FAP: variants seen among roughly 807,000 people sequenced by gnomAD.
The protein encoded by FAP is prolyl endopeptidase FAP.
In FAP, 110 loss-of-function variants were observed where a neutral mutation model predicts 126.5. That is an observed-to-expected ratio of 0.87 (90% CI 0.74 to 1.02). The LOEUF is 1.02. FAP is among the 50% of genes least tolerant of loss of function. The pLI is 0.00. For missense variants in FAP, 919 were observed against 909.2 expected, an observed-to-expected ratio of 1.01 and a Z score of -0.14; for synonymous variants, 334 against 297.3, an observed-to-expected ratio of 1.12 and a Z score of -1.27.
Position 162,203,057 on chromosome 2 carries a change from T to G in FAP, c.1136A>C (p.Tyr379Ser). 1 of 1,612,476 alleles carries G rather than the reference T, an allele frequency of 6.2e-7. No homozygotes were observed. Among genetic ancestry groups the G allele is most frequent in the Non-Finnish European group, 8.5e-7 (1 of 1,178,568 alleles). ...SDKDGYKHIH[Y>S]IKDTVENAIQ... ...GGAACGTACCACAGTGTCTTTGATA[T>G]AGTGAATATGTTTGTAGCCATCCTT... Residue 379 changes from tyrosine (Y) to serine (S), a missense_variant, in exon 13 of 26, where the codon TAT becomes TCT. Tyr to Ser is a moderately radical substitution (Grantham distance 144). Coordinates refer to ENST00000188790, the MANE Select transcript of FAP (RefSeq NM_004460.5).
At chr2:162,213,334 C>T (rs917174537) in intron 11 of FAP, among the ~76,000 whole-genome samples, 4 of 151,086 alleles carry the variant, frequency 2.6e-5, no homozygotes, top group Admixed American at 6.6e-5. Context: ...CCAGATTGCG[C>T]CACTGCACTC....
chr2:162,229,760 A>G (rs1031227198), intron 2 of FAP, among the ~76,000 whole-genome samples: 1 of 152,294 alleles, frequency 6.6e-6, no homozygotes, highest in African/African-American at 2.4e-5. Flanking sequence ...TGGACTTGAT[A>G]CTATATTTCA....
intron 16 of FAP, chr2:162,198,384 G>A (rs1283722747): frequency 1.1e-5 from 14 of 1,265,144 alleles, no homozygotes; most frequent in African/African-American, 4.6e-5. Context: ...CTTTTTCTGC[G>A]ATTGCTCAGG....
intron 6 of FAP, 103 bp downstream of exon 6, chr2:162,223,505 G>C (rs1689501060): frequency 4.0e-6 from 3 of 755,882 alleles, no homozygotes; most frequent in Non-Finnish European, 6.8e-6. Flanking sequence ...AAGAAACAAA[G>C]ATCATTAAGA....
At chr2:162,198,286 G>T (rs73973041) in intron 16 of FAP, 1 of 1,289,744 alleles carries the variant, frequency 7.8e-7, no homozygotes, top group Non-Finnish European at 1.0e-6. Flanking sequence ...TTTCCAAGCC[G>T]TTGTTCATTC....
intron 21 of FAP, among the ~76,000 whole-genome samples, chr2:162,179,449 T>A (rs1249854750): frequency 1.3e-5 from 2 of 152,142 alleles, no homozygotes; most frequent in Admixed American, 6.5e-5. Flanking sequence ...GGCCAAGCAT[T>A]GTGCTAAACA....
chr2:162,242,777 T>C, intron 2 of FAP, 131 bp downstream of exon 2: 1 of 670,984 alleles, frequency 1.5e-6, no homozygotes, highest in East Asian at 2.7e-5. Context: ...TGAGCTTATA[T>C]GTCTTCTTAG....
At chr2:162,228,245 G>A (rs1689742571) in intron 2 of FAP, among the ~76,000 whole-genome samples, 1 of 152,110 alleles carries the variant, frequency 6.6e-6, no homozygotes, top group Non-Finnish European at 1.5e-5. Flanking sequence ...GTGGTTTTTG[G>A]TAAGTAGATC....
At chr2:162,196,583 T>A (rs1688261670) in intron 16 of FAP, among the ~76,000 whole-genome samples, 1 of 151,576 alleles carries the variant, frequency 6.6e-6, no homozygotes, top group Non-Finnish European at 1.5e-5. Flanking sequence ...TGACACTGGA[T>A]GAAGGTGTGA....
chr2:162,238,217 C>T (rs1690215210), intron 2 of FAP, among the ~76,000 whole-genome samples: 2 of 152,144 alleles, frequency 1.3e-5, no homozygotes, highest in African/African-American at 4.8e-5. Flanking sequence ...TCCCATTTGT[C>T]AATTATTGCT....
chr2:162,233,015 G>A (rs971422239), intron 2 of FAP, among the ~76,000 whole-genome samples: 8 of 152,108 alleles, frequency 5.3e-5, no homozygotes, highest in Non-Finnish European at 7.4e-5. Context: ...AGGTCATTTC[G>A]TTCTCCCAAG....
chr2:162,239,781 G>T (rs1163362053), intron 2 of FAP, among the ~76,000 whole-genome samples: 1 of 152,186 alleles, frequency 6.6e-6, no homozygotes, highest in African/African-American at 2.4e-5. Context: ...ATACTCAAAA[G>T]AATCTGAAAC....
intron 19 of FAP, 29 bp from the exon 20 acceptor site, chr2:162,188,392 C>A (rs571721576): frequency 1.9e-6 from 3 of 1,587,218 alleles, no homozygotes; most frequent in Admixed American, 1.7e-5. Flanking sequence ...AAACAAGAAT[C>A]TTTGATTGCT....
chr2:162,200,691 T>A (rs1420543299), intron 14 of FAP, 72 bp from the exon 15 acceptor site: 1 of 681,064 alleles, frequency 1.5e-6, no homozygotes, highest in African/African-American at 1.9e-5. Context: ...TTAATACTAA[T>A]ATAGTATCAA....
At chr2:162,240,963 C>T (rs760146591) in intron 2 of FAP, among the ~76,000 whole-genome samples, 6 of 152,256 alleles carry the variant, frequency 3.9e-5, no homozygotes, top group East Asian at 1.9e-4. Context: ...GAGGCCACCA[C>T]GCCTAACTTC....
At chr2:162,200,656 A>G (rs1226979414) in intron 14 of FAP, 37 bp from the exon 15 acceptor site, 2 of 924,740 alleles carry the variant, frequency 2.2e-6, no homozygotes, top group Non-Finnish European at 3.4e-6. Flanking sequence ...GTATTGATAA[A>G]TAAGTGATAA....
chr2:162,198,075 T>C, intron 16 of FAP: 3 of 883,016 alleles, frequency 3.4e-6, no homozygotes, highest in South Asian at 1.7e-5. Flanking sequence ...AATAAAATTA[T>C]ATGGGTAGAA....
intron 12 of FAP, among the ~76,000 whole-genome samples, chr2:162,207,899 C>T (rs1247465593): frequency 2.7e-5 from 4 of 150,146 alleles, no homozygotes; most frequent in Admixed American, 1.3e-4. Context: ...TTTTAGTAGA[C>T]GGGGTTTCAC....
chr2:162,174,667 C>A lies in FAP; in HGVS notation c.1969+200G>T, dbSNP rs183258864. ...TAAGATATAGTGGATTATGGATGAGCCTTTCCTCACTCTTGAGATTTCATT... is the reference window on the plus strand; with the variant it reads ...TAAGATATAGTGGATTATGGATGAGACTTTCCTCACTCTTGAGATTTCATT... On this transcript the variant is annotated intron_variant, in intron 22 of 25. Coordinates refer to ENST00000188790, the MANE Select transcript of FAP (RefSeq NM_004460.5). Among the ~76,000 whole-genome samples, 9 of 152,192 alleles carry A rather than the reference C, an allele frequency of 5.9e-5. No individual in the cohort carries two copies. In the East Asian group the frequency reaches 9.7e-4, roughly 16 times the overall value.
Sources: allele counts gnomAD v4.1 joint callset (sites outside exome capture counted in the v4.1 genomes callset), GRCh38; gene constraint gnomAD v4.1.1; transcripts MANE v1.5; gene names NCBI Gene and HGNC (gene_info 2026-07-23, HGNC 2026-07-21).